STIM2: variants seen among roughly 807,000 people sequenced by gnomAD.
The protein encoded by STIM2 is stromal interaction molecule 2.
In STIM2, 31 loss-of-function variants were observed where a neutral mutation model predicts 85.8. That is an observed-to-expected ratio of 0.36 (90% CI 0.27 to 0.49). The LOEUF (loss-of-function observed/expected upper bound fraction) is 0.49, where lower values mean the gene tolerates loss of function less well. Among genes scored for constraint, STIM2 ranks in the 20% least tolerant of loss-of-function variants. The probability of loss-of-function intolerance (pLI) is 0.98; values close to 1 mark genes in which losing one functional copy is unlikely to be tolerated. For missense variants in STIM2, 841 were observed against 927.6 expected, an observed-to-expected ratio of 0.91 and a Z score of 1.21; for synonymous variants, 356 against 331.1, an observed-to-expected ratio of 1.08 and a Z score of -0.82.
At chr4:26,864,314 T>G (rs958008047) in intron 1 of STIM2, among the ~76,000 whole-genome samples, 6 of 152,114 alleles carry the variant, frequency 3.9e-5, no homozygotes, top group African/African-American at 1.4e-4. Flanking sequence ...AAGTTAGGGA[T>G]AGGTGACTGA....
At chr4:26,890,979 A>G (rs1238401621) in intron 1 of STIM2, among the ~76,000 whole-genome samples, 1 of 152,202 alleles carries the variant, frequency 6.6e-6, no homozygotes. Flanking sequence ...TTGAAGCACT[A>G]TTGGATCTAC....
chr4:26,914,380 C>T (rs1232591465), intron 1 of STIM2, among the ~76,000 whole-genome samples: 1 of 152,150 alleles, frequency 6.6e-6, no homozygotes, highest in Non-Finnish European at 1.5e-5. Flanking sequence ...TCCCTGTCTT[C>T]CTAGAGAGCA....
chr4:26,948,301 T>C (rs1055286276), intron 2 of STIM2, among the ~76,000 whole-genome samples: 8 of 152,196 alleles, frequency 5.3e-5, no homozygotes, highest in African/African-American at 1.9e-4. Flanking sequence ...GGGATTCATA[T>C]TGGTTCTAAT....
intron 3 of STIM2, among the ~76,000 whole-genome samples, chr4:26,978,427 T>C (rs1388631925): frequency 6.6e-6 from 1 of 151,926 alleles, no homozygotes; most frequent in Non-Finnish European, 1.5e-5. Context: ...AGTGCTGGTG[T>C]ATAGTCAGGG....
chr4:26,934,556 A>G (rs760222535), intron 2 of STIM2, among the ~76,000 whole-genome samples: 24 of 152,208 alleles, frequency 1.6e-4, no homozygotes, highest in Non-Finnish European at 2.2e-4. Context: ...AATGATGTCC[A>G]CTGTGCATTT....
At chr4:27,002,510 T>A (rs1009685468) in intron 6 of STIM2, 116 bp downstream of exon 6, 12 of 674,740 alleles carry the variant, frequency 1.8e-5, no homozygotes, top group East Asian at 2.9e-5. Flanking sequence ...CAGGAATAGA[T>A]GCATATTTGA....
intron 1 of STIM2, among the ~76,000 whole-genome samples, chr4:26,870,061 A>G (rs1044380030): frequency 3.9e-5 from 6 of 152,150 alleles, no homozygotes; most frequent in African/African-American, 1.4e-4. Flanking sequence ...CAGCCATAGA[A>G]AGACAAATAC....
chr4:26,897,660 A>G (rs1398369792), intron 1 of STIM2, among the ~76,000 whole-genome samples: 3 of 152,218 alleles, frequency 2.0e-5, no homozygotes, highest in African/African-American at 7.2e-5. Context: ...CTTTATTAGG[A>G]CATTTGAAAA....
chr4:26,873,402 A>G (rs1722701236), intron 1 of STIM2, among the ~76,000 whole-genome samples: 1 of 145,628 alleles, frequency 6.9e-6, no homozygotes, highest in African/African-American at 2.5e-5. Context: ...TCCGTCTTTA[A>G]AAAAAAAAAA....
chr4:26,993,393 C>G (rs1023198256), intron 3 of STIM2, among the ~76,000 whole-genome samples: 1 of 152,076 alleles, frequency 6.6e-6, no homozygotes. Context: ...CTATCAGTTA[C>G]CACATCTAGT....
chr4:26,972,100 C>T (rs1358151961), intron 3 of STIM2, among the ~76,000 whole-genome samples: 1 of 152,062 alleles, frequency 6.6e-6, no homozygotes, highest in Non-Finnish European at 1.5e-5. Context: ...TGTATCCTGA[C>T]ACTTTACTGA....
chr4:26,890,061 T>G (rs1560196275), intron 1 of STIM2, among the ~76,000 whole-genome samples: 2 of 152,148 alleles, frequency 1.3e-5, no homozygotes, highest in South Asian at 4.1e-4. Context: ...GAGAGCCAAG[T>G]GTGCTGCCCA....
intron 1 of STIM2, among the ~76,000 whole-genome samples, chr4:26,901,248 G>C (rs186212770): frequency 1.3e-5 from 2 of 152,256 alleles, no homozygotes; most frequent in African/African-American, 4.8e-5. Context: ...CAACACACTT[G>C]TAGTTTTTTT....
intron 1 of STIM2, among the ~76,000 whole-genome samples, chr4:26,864,501 A>G (rs1037239800): frequency 1.3e-5 from 2 of 152,136 alleles, no homozygotes; most frequent in African/African-American, 4.8e-5. Flanking sequence ...ACAAACAAAA[A>G]AATGCCGAAT....
intron 11 of STIM2, among the ~76,000 whole-genome samples, chr4:27,022,063 T>G (rs1401905097): frequency 6.6e-6 from 1 of 152,220 alleles, no homozygotes; most frequent in Non-Finnish European, 1.5e-5. Flanking sequence ...ATTCCTTTCA[T>G]GTATATTTCT....
At chr4:26,990,520 T>G (rs1727730739) in intron 3 of STIM2, among the ~76,000 whole-genome samples, 1 of 152,062 alleles carries the variant, frequency 6.6e-6, no homozygotes. Flanking sequence ...TTCAGGACAT[T>G]AGGCTGGACA....
At chr4:26,954,556 G>A (rs973991060) in intron 2 of STIM2, among the ~76,000 whole-genome samples, 4 of 148,466 alleles carry the variant, frequency 2.7e-5, no homozygotes, top group Non-Finnish European at 5.9e-5. Flanking sequence ...TTTGTCTTTT[G>A]TGTATGCATT....
intron 2 of STIM2, among the ~76,000 whole-genome samples, chr4:26,949,293 T>A (rs1381328848): frequency 6.6e-6 from 1 of 152,348 alleles, no homozygotes; most frequent in East Asian, 1.9e-4. Flanking sequence ...AAAATATTTC[T>A]AAAAGTAGCA....
At chr4:26,952,019 C>T (rs1726071917) in intron 2 of STIM2, among the ~76,000 whole-genome samples, 6 of 152,024 alleles carry the variant, frequency 3.9e-5, no homozygotes, top group Admixed American at 3.9e-4. Context: ...AGCAGAAACC[C>T]CTGATAAGAC....
Sources: gnomAD v4.1 joint callset for allele counts (sites outside exome capture counted in the v4.1 genomes callset) on GRCh38, gnomAD v4.1.1 for gene constraint, MANE v1.5 for transcripts, NCBI Gene and HGNC (gene_info 2026-07-23, HGNC 2026-07-21) for gene names.